COL25A1: variants seen among roughly 807,000 people sequenced by gnomAD.
COL25A1 encodes the protein collagen alpha-1(XXV) chain.
A neutral mutation model predicts 128.4 loss-of-function variants in COL25A1; 103 were observed. That is an observed-to-expected ratio of 0.80 (90% confidence interval 0.68 to 0.94). The LOEUF (loss-of-function observed/expected upper bound fraction) is 0.94, where lower values mean the gene tolerates loss of function less well. Among genes scored for constraint, COL25A1 ranks in the 40% least tolerant of loss-of-function variants. The probability of loss-of-function intolerance (pLI) is 0.00; values close to 1 mark genes in which losing one functional copy is unlikely to be tolerated. For synonymous variants in COL25A1, 279 were observed against 277.2 expected, an observed-to-expected ratio of 1.01 and a Z score of -0.06; for missense variants, 745 against 840.0, an observed-to-expected ratio of 0.89 and a Z score of 1.40.
chr4:108,956,125 A>G (rs1750044532), intron 8 of COL25A1, among the ~76,000 whole-genome samples: 1 of 152,170 alleles, frequency 6.6e-6, no homozygotes, highest in Admixed American at 6.5e-5. Flanking sequence ...ATGAGAATAT[A>G]TTATTAAAAG....
intron 3 of COL25A1, among the ~76,000 whole-genome samples, chr4:109,140,798 T>G (rs960742705): frequency 8.5e-5 from 13 of 152,364 alleles, no homozygotes; most frequent in South Asian, 2.1e-4. Flanking sequence ...CCTGAGACTT[T>G]GCTGACGTTG....
chr4:109,078,870 C>A (rs1273524627), intron 3 of COL25A1, among the ~76,000 whole-genome samples: 1 of 152,158 alleles, frequency 6.6e-6, no homozygotes, highest in Non-Finnish European at 1.5e-5. Context: ...ACACTGGCTT[C>A]CAAAGATGCA....
chr4:109,126,635 C>T (rs889135021), intron 3 of COL25A1, among the ~76,000 whole-genome samples: 4 of 152,088 alleles, frequency 2.6e-5, no homozygotes, highest in Non-Finnish European at 4.4e-5. Context: ...TGTATTTATT[C>T]CAAATATTAG....
chr4:109,049,321 C>CT (rs1226458586), intron 4 of COL25A1, among the ~76,000 whole-genome samples: 1 of 152,056 alleles, frequency 6.6e-6, no homozygotes, highest in Non-Finnish European at 1.5e-5. Flanking sequence ...CCTGATAAGA[C>CT]TTTATGTGGT....
intron 3 of COL25A1, among the ~76,000 whole-genome samples, chr4:109,065,554 GT>G (rs2125973685): frequency 6.7e-6 from 1 of 150,074 alleles, no homozygotes. Context: ...GCGTGTGTGT[GT>G]GTGTGTGTGT....
At position 109,144,920 on chromosome 4, in the gene COL25A1, C is replaced by T. The variant is rs529844224; in HGVS notation, c.368-94741G>A. On this transcript the variant is annotated intron_variant, in intron 3 of 37. Coordinates refer to ENST00000399132, the MANE Select transcript of COL25A1 (RefSeq NM_198721.4). ...CAATTGTTTCAGGTAATATTGATGT[C>T]ATAAAATCCTTTAGCCAAGAAACAA... Among the ~76,000 whole-genome samples, 6 of 152,218 alleles carry T rather than the reference C, an allele frequency of 3.9e-5. No individual in the cohort carries two copies. The South Asian group carries it at 1.0e-3, about 26-fold the overall frequency.
intron 3 of COL25A1, among the ~76,000 whole-genome samples, chr4:109,286,934 TC>T (rs1307083724): frequency 1.3e-5 from 2 of 152,142 alleles, no homozygotes; most frequent in Non-Finnish European, 2.9e-5. Context: ...CCAGAAGGCA[TC>T]TTGGGGAGGA....
intron 3 of COL25A1, among the ~76,000 whole-genome samples, chr4:109,275,097 T>G (rs1722690271): frequency 6.6e-6 from 1 of 152,202 alleles, no homozygotes; most frequent in African/African-American, 2.4e-5. Context: ...AAAAGGGCAC[T>G]CTAAGCCTAC....
At chr4:109,284,829 C>A (rs1723716429) in intron 3 of COL25A1, among the ~76,000 whole-genome samples, 1 of 145,200 alleles carries the variant, frequency 6.9e-6, no homozygotes, top group African/African-American at 2.7e-5. Context: ...TCCCCCCATG[C>A]CCCACCCAGG....
At chr4:109,034,466 A>G (rs539806533) in intron 5 of COL25A1, among the ~76,000 whole-genome samples, 4 of 152,310 alleles carry the variant, frequency 2.6e-5, no homozygotes, top group African/African-American at 9.6e-5. Flanking sequence ...TGTATACCAT[A>G]ATTCATTGTC....
intron 3 of COL25A1, among the ~76,000 whole-genome samples, chr4:109,133,355 CT>C (rs1161206073): frequency 1.3e-5 from 2 of 151,910 alleles, no homozygotes; most frequent in African/African-American, 2.4e-5. Flanking sequence ...TTACTATTAT[CT>C]GATATTGTCT....
chr4:109,197,254 A>G (rs897426100), intron 3 of COL25A1, among the ~76,000 whole-genome samples: 1 of 148,120 alleles, frequency 6.8e-6, no homozygotes, highest in Non-Finnish European at 1.5e-5. Context: ...TGAGCCCAGG[A>G]GGCCAAAGGT....
intron 3 of COL25A1, among the ~76,000 whole-genome samples, chr4:109,261,714 T>C (rs1781459940): frequency 6.6e-6 from 1 of 151,876 alleles, no homozygotes; most frequent in African/African-American, 2.4e-5. Flanking sequence ...TTTTTTTTTT[T>C]TGAGACAGAG....
intron 18 of COL25A1, among the ~76,000 whole-genome samples, chr4:108,888,918 C>T (rs929579415): frequency 6.6e-6 from 1 of 152,066 alleles, no homozygotes; most frequent in African/African-American, 2.4e-5. Context: ...TGCAGATTAC[C>T]ATGAAGCATG....
intron 3 of COL25A1, among the ~76,000 whole-genome samples, chr4:109,173,058 C>G (rs960296551): frequency 5.3e-5 from 8 of 152,190 alleles, no homozygotes; most frequent in African/African-American, 1.9e-4. Context: ...TACAATTGGA[C>G]ATTATAGAAA....
At chr4:109,111,075 T>C (rs1286720947) in intron 3 of COL25A1, among the ~76,000 whole-genome samples, 1 of 152,222 alleles carries the variant, frequency 6.6e-6, no homozygotes, top group Non-Finnish European at 1.5e-5. Flanking sequence ...AATCTTTCTC[T>C]GGCCACTGTT....
rs529216705 is a variant in COL25A1, at chr4:109,108,543, C to T, written c.368-58364G>A. 2.4e-4 allele frequency among the ~76,000 whole-genome samples: 37 copies of T among 152,076 alleles called. No homozygotes were observed. The East Asian group carries it at 6.6e-3, about 27-fold the overall frequency. On this transcript the variant is annotated intron_variant, in intron 3 of 37. Coordinates refer to ENST00000399132, the MANE Select transcript of COL25A1 (RefSeq NM_198721.4). ...TGATTTATAATCCTTTGGGTATATA[C>T]CTAGTAATGGGATGGCTGGGTCAAA...
intron 3 of COL25A1, among the ~76,000 whole-genome samples, chr4:109,190,479 C>G (rs929666011): frequency 2.6e-5 from 4 of 152,184 alleles, no homozygotes; most frequent in Non-Finnish European, 4.4e-5. Context: ...ATCCACACTC[C>G]TATGCAATCC....
intron 6 of COL25A1, among the ~76,000 whole-genome samples, chr4:108,989,308 G>A (rs1753948495): frequency 6.6e-6 from 1 of 152,236 alleles, no homozygotes; most frequent in Admixed American, 6.5e-5. Context: ...CAATGGTGGT[G>A]CTGAGCTTAT....
Sources: gnomAD v4.1 joint callset for allele counts (sites outside exome capture counted in the v4.1 genomes callset) on GRCh38, gnomAD v4.1.1 for gene constraint, MANE v1.5 for transcripts, NCBI Gene and HGNC (gene_info 2026-07-23, HGNC 2026-07-21) for gene names.